Variants in CREBBP observed in about 807,000 individuals in gnomAD.
The protein encoded by CREBBP is CREB-binding protein.
Under a neutral mutation model 265.0 loss-of-function variants are expected in CREBBP, and 19 were observed. The observed-to-expected ratio is 0.07, with a 90% CI of 0.05 to 0.11. The LOEUF is 0.11. Ranked by LOEUF, CREBBP falls within the 10% of genes least tolerant of loss-of-function variation. The pLI is 1.00. For missense variants in CREBBP, 2,525 were observed against 3,219.0 expected (o/e 0.78, Z 5.22); for synonymous variants, 1,457 against 1,223.7 (o/e 1.19, Z -3.98).
At chr16:3,784,358 AT>A (rs2053340243) in intron 5 of CREBBP, 3 of 152,234 alleles carry the variant, frequency 2.0e-5, no homozygotes. Context: ...ACACAACTAC[AT>A]ACACCAAGCA....
At chr16:3,874,075 C>T (rs575903992) in intron 1 of CREBBP, among the ~76,000 whole-genome samples, 5 of 152,228 alleles carry the variant, frequency 3.3e-5, no homozygotes, top group Non-Finnish European at 5.9e-5. Flanking sequence ...ATGACAAAGA[C>T]GGACGAGAAA....
intron 2 of CREBBP, among the ~76,000 whole-genome samples, chr16:3,811,391 C>T (rs990932114): frequency 2.0e-5 from 3 of 152,234 alleles, no homozygotes; most frequent in Non-Finnish European, 4.4e-5. Context: ...ACCAGCACCT[C>T]CTCATCCTCC....
intron 2 of CREBBP, among the ~76,000 whole-genome samples, chr16:3,829,548 C>A (rs531550668): frequency 6.6e-6 from 1 of 152,124 alleles, no homozygotes; most frequent in Non-Finnish European, 1.5e-5. Flanking sequence ...TCTGATCAGT[C>A]GGAGTTTCAA....
chr16:3,827,121 C>G (rs988938704), intron 2 of CREBBP, among the ~76,000 whole-genome samples: 1 of 151,422 alleles, frequency 6.6e-6, no homozygotes, highest in Non-Finnish European at 1.5e-5. Context: ...AGCCTGTGAA[C>G]GGCCACTGCT....
chr16:3,805,175 C>G (rs971829927), intron 3 of CREBBP, among the ~76,000 whole-genome samples: 1 of 152,198 alleles, frequency 6.6e-6, no homozygotes, highest in South Asian at 2.1e-4. Flanking sequence ...CAGTGATCTT[C>G]AAGATACAGA....
intron 8 of CREBBP, among the ~76,000 whole-genome samples, chr16:3,779,634 T>C (rs1160782665): frequency 2.0e-5 from 3 of 152,196 alleles, no homozygotes; most frequent in African/African-American, 2.4e-5. Flanking sequence ...TATCAACTTA[T>C]CTACACATCA....
At chr16:3,865,563 G>C (rs1460287475) in intron 1 of CREBBP, among the ~76,000 whole-genome samples, 1 of 152,188 alleles carries the variant, frequency 6.6e-6, no homozygotes, top group African/African-American at 2.4e-5. Context: ...GGTGGAGGGA[G>C]GCTCTCTCTA....
At position 3,849,450 on chromosome 16, in the gene CREBBP, T is replaced by TGTGTGTG. The variant is rs2054771017; in HGVS notation, c.798+840_798+846dup. Among the ~76,000 whole-genome samples the TGTGTGTG allele has an allele frequency of 1.5e-4, 10 of 66,772 alleles. 1 individual carries two copies. Among genetic ancestry groups the TGTGTGTG allele is most frequent in the African/African-American group, 2.2e-4 (5 of 22,634 alleles). 43.8% of individuals were successfully genotyped at this position (66,772 alleles called of 152,430 possible). On this transcript the variant is annotated intron_variant, in intron 2 of 30. Coordinates refer to ENST00000262367, the MANE Select transcript of CREBBP (RefSeq NM_004380.3). ...GTGTGTGTGTGTGTGTGTGTGTGTG[T>TGTGTGTG]GTGTGTGTGTGTGTGTGTGTGTGTG...
At chr16:3,787,679 A>G (rs2053418462) in intron 5 of CREBBP, among the ~76,000 whole-genome samples, 1 of 150,772 alleles carries the variant, frequency 6.6e-6, no homozygotes, top group Non-Finnish European at 1.5e-5. Context: ...GTTTTGTTTG[A>G]GACGTAGTCT....
intron 1 of CREBBP, among the ~76,000 whole-genome samples, chr16:3,865,438 TAAG>T (rs1353017027): frequency 6.6e-6 from 1 of 152,118 alleles, no homozygotes; most frequent in Non-Finnish European, 1.5e-5. Flanking sequence ...CTACCTCAGT[TAAG>T]AAGAAAAAGG....
At chr16:3,815,550 A>AAAAAAT (rs1491515471) in intron 2 of CREBBP, among the ~76,000 whole-genome samples, 2 of 134,826 alleles carry the variant, frequency 1.5e-5, no homozygotes, top group Non-Finnish European at 1.6e-5. Flanking sequence ...AAAAAAAAAA[A>AAAAAAT]TTTTTTTTTT....
At chr16:3,788,084 T>C (rs921999119) in intron 5 of CREBBP, among the ~76,000 whole-genome samples, 9 of 152,318 alleles carry the variant, frequency 5.9e-5, no homozygotes, top group East Asian at 3.9e-4. Flanking sequence ...GCTGGGGCCA[T>C]GGCTGACGCA....
chr16:3,784,367 G>A (rs921485956), intron 5 of CREBBP: 4 of 152,054 alleles, frequency 2.6e-5, no homozygotes, highest in African/African-American at 9.7e-5. Flanking sequence ...CATACACCAA[G>A]CACTCATTAA....
intron 2 of CREBBP, among the ~76,000 whole-genome samples, chr16:3,848,639 A>C (rs1194752196): frequency 6.6e-6 from 1 of 152,220 alleles, no homozygotes; most frequent in Non-Finnish European, 1.5e-5. Flanking sequence ...GATTAAAAAA[A>C]AGTTTGGGAA....
intron 2 of CREBBP, among the ~76,000 whole-genome samples, chr16:3,817,107 G>A (rs1261772528): frequency 3.3e-5 from 5 of 152,152 alleles, no homozygotes; most frequent in African/African-American, 1.2e-4. Flanking sequence ...ACAGGCCTTC[G>A]GAGTTGGTTT....
intron 2 of CREBBP, among the ~76,000 whole-genome samples, chr16:3,812,354 T>A (rs938674816): frequency 6.6e-6 from 1 of 151,968 alleles, no homozygotes; most frequent in Non-Finnish European, 1.5e-5. Context: ...AATTTTTGTA[T>A]TTTTAGTAGA....
At chr16:3,874,175 T>C (rs2055353950) in intron 1 of CREBBP, among the ~76,000 whole-genome samples, 1 of 152,190 alleles carries the variant, frequency 6.6e-6, no homozygotes, top group Non-Finnish European at 1.5e-5. Flanking sequence ...TCGTCTGATT[T>C]TAAATCAAGT....
intron 3 of CREBBP, among the ~76,000 whole-genome samples, chr16:3,797,775 T>A (rs748984976): frequency 4.0e-4 from 58 of 144,366 alleles, no homozygotes; most frequent in African/African-American, 1.3e-3. Context: ...CCCTTTTATT[T>A]AAAAAAAAAA....
chr16:3,725,363 G>A lies in CREBBP; in HGVS notation c.*2355C>T, dbSNP rs2051715627. 8.6e-6 allele frequency: 2 copies of A among 233,178 alleles called. No homozygotes were observed. Among genetic ancestry groups the A allele is most frequent in the Non-Finnish European group, 1.7e-5 (2 of 118,072 alleles). 14.4% of individuals were successfully genotyped at this position (233,178 alleles called of 1,614,324 possible). A position where few individuals can be genotyped will look rare whatever the true frequency, so the allele number is the denominator to read the frequency against. On this transcript the variant is annotated 3_prime_UTR_variant, in exon 31 of 31. Coordinates refer to ENST00000262367, the MANE Select transcript of CREBBP (RefSeq NM_004380.3). ...AATTCCAGGATAACCTGAAACAGAG[G>A]CCCCTCCACTGCCCACATTAAAAGG...
Sources: allele counts gnomAD v4.1 joint callset (sites outside exome capture counted in the v4.1 genomes callset), GRCh38; gene constraint gnomAD v4.1.1; transcripts MANE v1.5; gene names NCBI Gene and HGNC (gene_info 2026-07-23, HGNC 2026-07-21).